The following IL3RA variants were observed in gnomAD, a reference collection of about 807,000 sequenced individuals.
IL3RA encodes interleukin-3 receptor subunit alpha.
Under a neutral mutation model 52.3 loss-of-function variants are expected in IL3RA, and 73 were observed. The observed-to-expected ratio is 1.40, with a 90% CI of 1.16 to 1.70. IL3RA has a LOEUF of 1.70. IL3RA is among the 40% of genes most tolerant of loss of function. The pLI is 0.00. For synonymous variants in IL3RA, 260 were observed against 194.0 expected (o/e 1.34, Z -2.83); for missense variants, 664 against 504.4 (o/e 1.32, Z -3.03).
At position 1,382,675 on chromosome X, in the gene IL3RA, T is replaced by C. The variant is rs1479073721; in HGVS notation, c.*210T>C. The C allele has an allele frequency of 1.7e-6, 1 of 599,354 alleles. No individual in the cohort carries two copies. Among genetic ancestry groups the C allele is most frequent in the East Asian group, 2.8e-5 (1 of 35,844 alleles). 37.1% of individuals were successfully genotyped at this position (599,354 alleles called of 1,614,324 possible). On this transcript the variant is annotated 3_prime_UTR_variant, in exon 12 of 12. Coordinates refer to ENST00000331035, the MANE Select transcript of IL3RA (RefSeq NM_002183.4). ...GTTTATTTCATGATAAAGTGATTTT[T>C]TTTTTTTTAACCCACTCACTGGTCC...
At chrX:1,361,732 G>GCA (rs1569525066) in intron 8 of IL3RA, among the ~76,000 whole-genome samples, 14 of 138,086 alleles carry the variant, frequency 1.0e-4, no homozygotes, top group Admixed American at 2.3e-4. Context: ...CAGCCTGGGT[G>GCA]ACAGAGTGAG....
chrX:1,382,319 C>T, intron 11 of IL3RA, 72 bp from the exon 12 acceptor site: 5 of 1,249,322 alleles, frequency 4.0e-6, no homozygotes, highest in Non-Finnish European at 5.9e-6. Context: ...GGGACAGGCC[C>T]CCGCAGATCA....
rs763610192 is a variant in IL3RA at position 1,344,713 on chromosome X, C to T, written c.65-603C>T. ...GCTTGAACCCGGGAGGTAGAGGTTG[C>T]GGTGAGCTGAGATCGTGCCACTGCA... On this transcript the variant is annotated intron_variant, in intron 2 of 11. Coordinates refer to ENST00000331035, the MANE Select transcript of IL3RA (RefSeq NM_002183.4). Among the ~76,000 whole-genome samples, 56 of 150,376 alleles carry T rather than the reference C, an allele frequency of 3.7e-4. 1 individual carries two copies. In the East Asian group the frequency reaches 8.8e-3, roughly 24 times the overall value.
chrX:1,343,838 C>G (rs1723471399), intron 2 of IL3RA, among the ~76,000 whole-genome samples: 1 of 147,882 alleles, frequency 6.8e-6, no homozygotes, highest in Admixed American at 6.8e-5. Flanking sequence ...CTCTGTTACC[C>G]AGGCTGGAGT....
intron 9 of IL3RA, among the ~76,000 whole-genome samples, chrX:1,377,331 C>G (rs780886520): frequency 3.3e-5 from 5 of 152,032 alleles, no homozygotes; most frequent in Non-Finnish European, 7.4e-5. Flanking sequence ...ACCTCCACCT[C>G]GCAGGTTCAG....
chrX:1,349,155 G>C (rs1197437657), intron 4 of IL3RA, among the ~76,000 whole-genome samples: 5 of 149,076 alleles, frequency 3.4e-5, no homozygotes, highest in Non-Finnish European at 7.4e-5. Flanking sequence ...CTACACCCAT[G>C]TACCACCATG....
rs181695221 is a variant in IL3RA, at chrX:1,353,315, T to A, written c.616+809T>A. Among the ~76,000 whole-genome samples, 892 of 118,036 alleles carry A rather than the reference T, an allele frequency of 7.6e-3. 42 individuals are homozygous for A. Among genetic ancestry groups the A allele is most frequent in the African/African-American group, 0.031 (836 of 27,082 alleles). 77.4% of individuals were successfully genotyped at this position (118,036 alleles called of 152,430 possible). A position where few individuals can be genotyped will look rare whatever the true frequency, so the allele number is the denominator to read the frequency against. Reference sequence around the variant, plus strand: ...GGACCCCCTATCATGGATTCCATCATGGGTCATGGGACCCCCCCATCATGG... The same window carrying A: ...GGACCCCCTATCATGGATTCCATCAAGGGTCATGGGACCCCCCCATCATGG... On this transcript the variant is annotated intron_variant, in intron 6 of 11. Transcript: ENST00000331035.
intron 3 of IL3RA, among the ~76,000 whole-genome samples, chrX:1,346,074 G>A (rs1293180213): frequency 2.0e-5 from 3 of 151,902 alleles, no homozygotes; most frequent in African/African-American, 4.8e-5. Context: ...CAGCACTTTG[G>A]GAGGCTGAGG....
chrX:1,376,589 AGAG>A (rs1173303963), intron 9 of IL3RA, among the ~76,000 whole-genome samples: 6 of 144,978 alleles, frequency 4.1e-5, no homozygotes, highest in Non-Finnish European at 9.1e-5. Flanking sequence ...CCTCATAAGA[AGAG>A]GAGATGAGGA....
At position 1,378,855 on chromosome X, in the gene IL3RA, A is replaced by G. The variant is rs1214084734; in HGVS notation, c.980+91A>G. 1.2e-5 allele frequency: 15 copies of G among 1,203,470 alleles called. No individual in the cohort carries two copies. The East Asian group carries it at 2.5e-4, about 20-fold the overall frequency. The allele number at this position is 1,203,470 out of a possible 1,614,324, so 74.5% of individuals were successfully genotyped here. ...AACCATCCTGAGAATTATCATTATT[A>G]TTTTTGTGATGGAGTCTCGCTCTGT... On this transcript the variant is annotated intron_variant, in intron 10 of 11. Coordinates refer to ENST00000331035, the MANE Select transcript of IL3RA (RefSeq NM_002183.4).
intron 9 of IL3RA, among the ~76,000 whole-genome samples, chrX:1,378,371 G>A (rs1302604871): frequency 6.6e-6 from 1 of 152,070 alleles, no homozygotes; most frequent in African/African-American, 2.4e-5. Context: ...CCCGTGTCCC[G>A]AGCACCAGGC....
At chrX:1,367,756 G>C in intron 9 of IL3RA, among the ~76,000 whole-genome samples, 1 of 137,716 alleles carries the variant, frequency 7.3e-6, no homozygotes, top group Admixed American at 7.2e-5. Context: ...GGGGTGAGCG[G>C]GGTGCGCCGG....
chrX:1,341,922 T>C, intron 2 of IL3RA, 93 bp downstream of exon 2: 1 of 1,359,246 alleles, frequency 7.4e-7, no homozygotes, highest in Non-Finnish European at 1.1e-6. Context: ...AGGGAAACTT[T>C]TCATGCTGAG....
chrX:1,345,524 C>T, intron 3 of IL3RA, 90 bp downstream of exon 3: 1 of 910,644 alleles, frequency 1.1e-6, no homozygotes, highest in Non-Finnish European at 1.5e-6. Flanking sequence ...GAGTCTTGCT[C>T]TGTCGCCCAG....
intron 6 of IL3RA, among the ~76,000 whole-genome samples, chrX:1,355,330 G>T (rs1368889808): frequency 1.5e-5 from 2 of 132,840 alleles, no homozygotes; most frequent in African/African-American, 2.8e-5. Context: ...GAGGAGAAAG[G>T]AGAGTGGAGG....
chrX:1,349,206 G>A (rs1453728166), intron 4 of IL3RA, among the ~76,000 whole-genome samples: 1 of 143,472 alleles, frequency 7.0e-6, no homozygotes, highest in Non-Finnish European at 1.5e-5. Context: ...TTTTTAGACA[G>A]AGTCTCACTC....
chrX:1,365,258 T>C lies in IL3RA; in HGVS notation c.874+6T>C, dbSNP rs372709039. On this transcript the variant is annotated splice_donor_region_variant and intron_variant, in intron 9 of 11. Transcript: ENST00000331035. ...GAGCACCCCCCAGCGCTTCGGTGAGTGGGCTGTGCGGGGTGCGCGGGGTGA... is the reference window on the plus strand; with the variant it reads ...GAGCACCCCCCAGCGCTTCGGTGAGCGGGCTGTGCGGGGTGCGCGGGGTGA... 2.3e-4 allele frequency: 346 copies of C among 1,513,102 alleles called. No homozygotes were observed. The African/African-American group carries it at 4.1e-3, about 18-fold the overall frequency. The allele number at this position is 1,513,102 out of a possible 1,614,324, so 93.7% of individuals were successfully genotyped here.
Position 1,382,383 on chromosome X carries a change from C to T in IL3RA, c.1063-8C>T. 1 of 1,613,322 alleles carries T rather than the reference C, an allele frequency of 6.2e-7. No individual in the cohort carries two copies. Among genetic ancestry groups the T allele is most frequent in the Non-Finnish European group, 8.5e-7 (1 of 1,179,374 alleles). ...GCCGACTCACCCTGCCTCCTCTCGT[C>T]TCTGCAGGTGGTCTGGGAGGCGGGC... On this transcript the variant is annotated splice_region_variant and splice_polypyrimidine_tract_variant and intron_variant, in intron 11 of 11. Transcript: ENST00000331035.
chrX:1,365,208 G>C lies in IL3RA; in HGVS notation c.830G>C (p.Arg277Thr), dbSNP rs150618950. The part of the protein sequence containing the change: ...TYTVQIRARE[R>T]VYEFLSAWST... Reference sequence around the variant, plus strand: ...ACAGTACAAATAAGAGCCCGGGAAAGAGTGTATGAATTCTTGAGCGCCTGG... The same window carrying C: ...ACAGTACAAATAAGAGCCCGGGAAACAGTGTATGAATTCTTGAGCGCCTGG... Residue 277 changes from arginine to threonine, a missense_variant, in exon 9 of 12, where the codon AGA (arginine) becomes ACA (threonine). Transcript: ENST00000331035. The C allele has an allele frequency of 3.7e-6, 6 of 1,611,464 alleles. No individual in the cohort carries two copies. The highest frequency in any genetic ancestry group is 5.1e-6 in the Non-Finnish European group (6 of 1,179,016).
Sources: gnomAD v4.1 joint callset for allele counts (sites outside exome capture counted in the v4.1 genomes callset) on GRCh38, gnomAD v4.1.1 for gene constraint, MANE v1.5 for transcripts, NCBI Gene and HGNC (gene_info 2026-07-23, HGNC 2026-07-21) for gene names.